TMEM132B: variants seen among roughly 807,000 people sequenced by gnomAD.
The protein encoded by TMEM132B is transmembrane protein 132B.
A neutral mutation model predicts 90.8 loss-of-function variants in TMEM132B; 18 were observed. That is an observed-to-expected ratio of 0.20 (90% confidence interval 0.14 to 0.29). The LOEUF is 0.29. Ranked by LOEUF, TMEM132B falls within the 10% of genes least tolerant of loss-of-function variation. The pLI, the probability that TMEM132B is intolerant of heterozygous loss-of-function variation, is 1.00. For synonymous variants in TMEM132B, 504 were observed against 523.3 expected (o/e 0.96, Z 0.50); for missense variants, 1,096 against 1,326.8 (o/e 0.83, Z 2.70).
At chr12:125,442,012 G>C (rs1429387058) in intron 3 of TMEM132B, among the ~76,000 whole-genome samples, 1 of 152,146 alleles carries the variant, frequency 6.6e-6, no homozygotes, top group Non-Finnish European at 1.5e-5. Flanking sequence ...ACCATTAGGG[G>C]AATGAAAATG....
At chr12:125,301,395 G>C (rs771402759) in intron 1 of TMEM132B, 1 of 152,276 alleles carries the variant, frequency 6.6e-6, no homozygotes, top group East Asian at 1.9e-4. Context: ...AGAATTCAGG[G>C]GGATGGCCCG....
intron 4 of TMEM132B, among the ~76,000 whole-genome samples, chr12:125,549,787 C>G (rs542501775): frequency 6.6e-6 from 1 of 152,308 alleles, no homozygotes; most frequent in Admixed American, 6.5e-5. Context: ...GTTAGTTGTT[C>G]ACCGATCACA....
At chr12:125,208,193 CAGTT>C (rs1488825331) in intron 1 of TMEM132B, among the ~76,000 whole-genome samples, 3 of 152,106 alleles carry the variant, frequency 2.0e-5, no homozygotes, top group African/African-American at 7.2e-5. Flanking sequence ...TAACTAGTAT[CAGTT>C]AGGCAATGAA....
At chr12:125,330,333 C>CTTTCTTTTTTT (rs1325064469) in intron 1 of TMEM132B, among the ~76,000 whole-genome samples, 4 of 124,462 alleles carry the variant, frequency 3.2e-5, no homozygotes, top group African/African-American at 1.1e-4. Context: ...TAAGGGGTTT[C>CTTTCTTTTTTT]TTTTTTTTTT....
chr12:125,415,991 C>G lies in TMEM132B; in HGVS notation c.1106+314C>G, dbSNP rs565037712. ...AAAATATACTTAGTAATGAGCAAACCGAGGGTAGCTTTAGCTATTGGACAT... is the reference window on the plus strand; with the variant it reads ...AAAATATACTTAGTAATGAGCAAACGGAGGGTAGCTTTAGCTATTGGACAT... On this transcript the variant is annotated intron_variant, in intron 3 of 8. Coordinates refer to ENST00000682704, the MANE Select transcript of TMEM132B (RefSeq NM_001366854.1). The surrounding 1 kb of genome is among the most constrained non-coding windows in gnomAD (Gnocchi z 5.3). 1.3e-5 allele frequency among the ~76,000 whole-genome samples: 2 copies of G among 152,142 alleles called. No homozygotes were observed. The highest frequency in any genetic ancestry group is 4.8e-5 in the African/African-American group (2 of 41,492).
chr12:125,511,605 CT>C (rs1025718679), intron 3 of TMEM132B, among the ~76,000 whole-genome samples: 9 of 151,864 alleles, frequency 5.9e-5, no homozygotes, highest in African/African-American at 2.2e-4. Context: ...AATCCCAGCG[CT>C]TTTTGGGAGG....
At chr12:125,472,243 G>A (rs1175658621) in intron 3 of TMEM132B, among the ~76,000 whole-genome samples, 1 of 152,174 alleles carries the variant, frequency 6.6e-6, no homozygotes, top group African/African-American at 2.4e-5. Context: ...GCAGTGCAGG[G>A]GGGTACAGCG....
intron 1 of TMEM132B, among the ~76,000 whole-genome samples, chr12:125,267,811 A>G (rs1260649648): frequency 6.6e-6 from 1 of 151,448 alleles, no homozygotes; most frequent in Non-Finnish European, 1.5e-5. Context: ...CTAGAAATCT[A>G]GATTTTTTTT....
At chr12:125,553,521 G>A (rs1415595923) in intron 4 of TMEM132B, among the ~76,000 whole-genome samples, 4 of 152,336 alleles carry the variant, frequency 2.6e-5, no homozygotes, top group South Asian at 4.1e-4. Context: ...TCTGAAGTTC[G>A]ATGAGGATCA....
intron 4 of TMEM132B, among the ~76,000 whole-genome samples, chr12:125,520,952 T>C (rs543371981): frequency 6.6e-6 from 1 of 152,308 alleles, no homozygotes; most frequent in South Asian, 2.1e-4. Context: ...ACCCACATTG[T>C]GGTTTGAAGG....
At chr12:125,331,121 G>A (rs1193589857) in intron 1 of TMEM132B, among the ~76,000 whole-genome samples, 1 of 152,208 alleles carries the variant, frequency 6.6e-6, no homozygotes, top group African/African-American at 2.4e-5. Flanking sequence ...GAGGCCCGGG[G>A]TCTGCGGAGG....
intron 2 of TMEM132B, among the ~76,000 whole-genome samples, chr12:125,405,148 C>T (rs147056262): frequency 7.1e-4 from 108 of 152,334 alleles, no homozygotes; most frequent in African/African-American, 2.5e-3. Context: ...CTCACAGTTC[C>T]AGGAGGCCAG....
In TMEM132B at chr12:125,445,199, A is replaced by G. The variant is rs1032639653; in HGVS notation, c.1106+29522A>G. On this transcript the variant is annotated intron_variant, in intron 3 of 8. Coordinates refer to ENST00000682704, the MANE Select transcript of TMEM132B (RefSeq NM_001366854.1). The surrounding 1 kb of genome is among the most constrained non-coding windows in gnomAD (Gnocchi z 4.3). ...TTTCAGATATTTATTAATCATTTGT[A>G]TTTCCACTTTTGGTAATTGTCTTTT... Among the ~76,000 whole-genome samples, 2 of 152,100 alleles carry G rather than the reference A, an allele frequency of 1.3e-5. No homozygotes were observed. The highest frequency in any genetic ancestry group is 4.8e-5 in the African/African-American group (2 of 41,420).
chr12:125,644,154 C>T lies in TMEM132B; in HGVS notation c.1516C>T (p.His506Tyr). ...SKVDTIVNFT[H>Y]QHFTSQFEVT... The stretch of plus-strand genomic sequence containing the variant: ...AGTGGACACGATTGTGAACTTCACC[C>T]ACCAGCACTTCACCTCCCAGTTCGA... Residue 506 changes from histidine (H) to tyrosine (Y), a missense_variant, in exon 6 of 9, where the codon CAC (histidine) becomes TAC (tyrosine). His to Tyr is a moderately conservative substitution (Grantham distance 83). Coordinates refer to ENST00000682704, the MANE Select transcript of TMEM132B (RefSeq NM_001366854.1). The T allele has an allele frequency of 1.2e-6, 2 of 1,614,202 alleles. No homozygotes were observed. The highest frequency in any genetic ancestry group is 1.1e-5 in the South Asian group (1 of 91,080).
At chr12:125,542,389 GTGT>G (rs1395073494) in intron 4 of TMEM132B, among the ~76,000 whole-genome samples, 1 of 152,138 alleles carries the variant, frequency 6.6e-6, no homozygotes, top group Non-Finnish European at 1.5e-5. Flanking sequence ...GTACAGTTCA[GTGT>G]TATTAAATAT....
chr12:125,514,381 G>A (rs1451522164), intron 3 of TMEM132B, among the ~76,000 whole-genome samples: 1 of 152,220 alleles, frequency 6.6e-6, no homozygotes, highest in Non-Finnish European at 1.5e-5. Context: ...GAGAGGAGGA[G>A]TCAGAGGTCC....
At chr12:125,413,366 A>G (rs1879911994) in intron 2 of TMEM132B, among the ~76,000 whole-genome samples, 1 of 152,122 alleles carries the variant, frequency 6.6e-6, no homozygotes, top group African/African-American at 2.4e-5. Context: ...CATCACATAA[A>G]ATTAGCCATT....
chr12:125,597,033 G>T (rs1396150956), intron 5 of TMEM132B, among the ~76,000 whole-genome samples: 2 of 152,182 alleles, frequency 1.3e-5, no homozygotes, highest in African/African-American at 4.8e-5. Context: ...ACTAGAGCAT[G>T]CACCATGGCT....
intron 1 of TMEM132B, among the ~76,000 whole-genome samples, chr12:125,269,820 G>A (rs987589396): frequency 9.9e-5 from 15 of 152,040 alleles, no homozygotes; most frequent in Non-Finnish European, 1.2e-4. Context: ...AGCTCCTCTC[G>A]GCAAAACCCT....
Sources: allele counts gnomAD v4.1 joint callset (sites outside exome capture counted in the v4.1 genomes callset), GRCh38; gene constraint gnomAD v4.1.1; non-coding constraint Gnocchi (gnomAD v3.1); transcripts MANE v1.5; gene names NCBI Gene and HGNC (gene_info 2026-07-23, HGNC 2026-07-21).